RAB40C: variants seen among roughly 807,000 people sequenced by gnomAD.
The protein encoded by RAB40C is ras-related protein Rab-40C.
Under a neutral mutation model 28.1 loss-of-function variants are expected in RAB40C, and 8 were observed. The ratio of observed to expected loss-of-function variants is 0.28; its 90% CI spans 0.17 to 0.51. The LOEUF (loss-of-function observed/expected upper bound fraction) is 0.51. Ranked by LOEUF, RAB40C falls within the 20% of genes least tolerant of loss-of-function variation. The pLI is 0.97. For missense variants in RAB40C, 288 were observed against 405.9 expected (o/e 0.71, Z 2.50); for synonymous variants, 201 against 171.7 (o/e 1.17, Z -1.34).
chr16:618,095 G>A (rs990161281), intron 2 of RAB40C, 105 bp from the exon 3 acceptor site: 11 of 1,089,368 alleles, frequency 1.0e-5, no homozygotes, highest in East Asian at 2.5e-5. Context: ...TGTCCTGGCC[G>A]CCCCGCTCCC....
chr16:610,513 G>A lies in RAB40C; in HGVS notation c.143-6695G>A, dbSNP rs1365916445. The stretch of plus-strand genomic sequence containing the variant: ...GGCGCCCTTGCCTTTTCACTGAGCC[G>A]GGTATTAGCTTAGCTTATTTTTGAA... On this transcript the variant is annotated intron_variant, in intron 1 of 5. Transcript: ENST00000248139. The surrounding 1 kb of genome is among the most constrained non-coding windows in gnomAD (Gnocchi z 4.6). 1.3e-5 allele frequency among the ~76,000 whole-genome samples: 2 copies of A among 152,130 alleles called. No homozygotes were observed. The highest frequency in any genetic ancestry group is 2.9e-5 in the Non-Finnish European group (2 of 68,004).
Position 627,800 on chromosome 16 carries a change from C to G in RAB40C, c.*178C>G. The G allele has an allele frequency of 1.4e-6, 1 of 738,954 alleles. No individual in the cohort carries two copies. The highest frequency in any genetic ancestry group is 2.0e-6 in the Non-Finnish European group (1 of 508,738). The allele number at this position is 738,954 out of a possible 1,614,324, so 45.8% of individuals were successfully genotyped here. A position where few individuals can be genotyped will look rare whatever the true frequency, so the allele number is the denominator to read the frequency against. On this transcript the variant is annotated 3_prime_UTR_variant, in exon 6 of 6. Transcript: ENST00000248139. ...AGGAGCATGCACGGACCAAGCGCGG[C>G]AGGCGGGAGGAGGGGGCGCGGCTGG...
Position 628,704 on chromosome 16 carries a change from C to G in RAB40C, c.*1082C>G, listed in dbSNP as rs1456059694. ...GCCACCTCTCTCCTGAAGCCATTGG[C>G]CGCTCCTCCACCCAGTGCTTCTGCC... On this transcript the variant is annotated 3_prime_UTR_variant, in exon 6 of 6. Coordinates refer to ENST00000248139, the MANE Select transcript of RAB40C (RefSeq NM_021168.5). 2 of 153,000 alleles carry G rather than the reference C, an allele frequency of 1.3e-5. No individual in the cohort carries two copies. The highest frequency in any genetic ancestry group is 2.9e-5 in the Non-Finnish European group (2 of 68,428). The allele number at this position is 153,000 out of a possible 1,614,324, so 9.5% of individuals were successfully genotyped here. A position where few individuals can be genotyped will look rare whatever the true frequency, so the allele number is the denominator to read the frequency against.
intron 1 of RAB40C, among the ~76,000 whole-genome samples, chr16:604,646 T>G (rs544075476): frequency 6.6e-6 from 1 of 152,394 alleles, no homozygotes; most frequent in South Asian, 2.1e-4. Flanking sequence ...TGAAGGTGTT[T>G]CTGTTCCCTT....
At chr16:619,635 G>A (rs938447573) in intron 3 of RAB40C, among the ~76,000 whole-genome samples, 3 of 152,160 alleles carry the variant, frequency 2.0e-5, no homozygotes, top group South Asian at 2.1e-4. Context: ...AGCCCCTCCG[G>A]GGCCAGTTCG....
At chr16:624,065 A>C in intron 3 of RAB40C, 4 of 985,392 alleles carry the variant, frequency 4.1e-6, no homozygotes, top group Non-Finnish European at 3.6e-6. Context: ...TGCACGGTAC[A>C]TTTCACTGCC....
At chr16:604,446 A>G (rs967892908) in intron 1 of RAB40C, among the ~76,000 whole-genome samples, 1 of 152,124 alleles carries the variant, frequency 6.6e-6, no homozygotes, top group African/African-American at 2.4e-5. Context: ...TCTCTAGAAT[A>G]TATGTGAGTC....
intron 1 of RAB40C, among the ~76,000 whole-genome samples, chr16:604,199 C>T (rs1442984237): frequency 6.6e-6 from 1 of 151,860 alleles, no homozygotes; most frequent in Non-Finnish European, 1.5e-5. Flanking sequence ...GGACTACAGG[C>T]ATGTACCACC....
At position 627,731 on chromosome 16, in the gene RAB40C, C is replaced by T. The variant is rs113311435; in HGVS notation, c.*109C>T. The T allele has an allele frequency of 8.3e-6, 11 of 1,324,788 alleles. 1 individual carries two copies. In the South Asian group the frequency reaches 1.4e-4, roughly 17 times the overall value. 82.1% of individuals were successfully genotyped at this position (1,324,788 alleles called of 1,614,324 possible). On this transcript the variant is annotated 3_prime_UTR_variant, in exon 6 of 6. Coordinates refer to ENST00000248139, the MANE Select transcript of RAB40C (RefSeq NM_021168.5). ...ACGTGGAGACTGTCCACACAGCTGC[C>T]TCAGAAGCGCCGGGCTTTCCTCACA...
At chr16:624,908 G>A (rs2036795328) in intron 3 of RAB40C, 2 of 1,281,446 alleles carry the variant, frequency 1.6e-6, no homozygotes, top group Non-Finnish European at 2.0e-6. Context: ...TCTAAGGGAT[G>A]TGGCAAAAAG....
intron 1 of RAB40C, among the ~76,000 whole-genome samples, chr16:614,197 A>G (rs984130132): frequency 6.6e-5 from 7 of 105,728 alleles, no homozygotes; most frequent in Non-Finnish European, 1.0e-4. Context: ...CCGCATCCCT[A>G]TGGTGAACTG....
intron 1 of RAB40C, among the ~76,000 whole-genome samples, chr16:600,565 A>T (rs2151063593): frequency 6.6e-6 from 1 of 152,320 alleles, no homozygotes; most frequent in South Asian, 2.1e-4. Context: ...GTTCTGACCA[A>T]CATGGTGAAA....
chr16:607,796 CGAAAA>C (rs951095533), intron 1 of RAB40C, among the ~76,000 whole-genome samples: 14 of 151,934 alleles, frequency 9.2e-5, no homozygotes, highest in Middle Eastern at 3.4e-3. Context: ...GTCTCAAAAA[CGAAAA>C]GAAAAGAAAA....
At position 627,805 on chromosome 16, in the gene RAB40C, G is replaced by A. The variant is rs372552772; in HGVS notation, c.*183G>A. The A allele has an allele frequency of 7.2e-5, 48 of 669,372 alleles. No individual in the cohort carries two copies. Among genetic ancestry groups the A allele is most frequent in the South Asian group, 2.2e-4 (6 of 27,622 alleles). 41.5% of individuals were successfully genotyped at this position (669,372 alleles called of 1,614,324 possible). ...CATGCACGGACCAAGCGCGGCAGGC[G>A]GGAGGAGGGGGCGCGGCTGGGCTGC... On this transcript the variant is annotated 3_prime_UTR_variant, in exon 6 of 6. Coordinates refer to ENST00000248139, the MANE Select transcript of RAB40C (RefSeq NM_021168.5).
upstream of RAB40C, chr16:589,879 G>C (rs1176303119): frequency 6.6e-6 from 1 of 152,262 alleles, no homozygotes; most frequent in East Asian, 1.9e-4. Flanking sequence ...AAGGAGGGCG[G>C]CGGGCGACCT....
At chr16:609,852 G>A (rs7203005) in intron 1 of RAB40C, among the ~76,000 whole-genome samples, 8,275 of 152,226 alleles carry the variant, frequency 0.054, 737 homozygotes, top group African/African-American at 0.18. Flanking sequence ...AGGATGGAGG[G>A]CGGGAGCTGT....
At chr16:621,429 G>C (rs1339786221) in intron 3 of RAB40C, among the ~76,000 whole-genome samples, 2 of 152,238 alleles carry the variant, frequency 1.3e-5, no homozygotes, top group African/African-American at 4.8e-5. Context: ...GAGTGGAGAG[G>C]CCTGGAAGGT....
In RAB40C at chr16:602,639, G is replaced by C. The variant is rs376035313; in HGVS notation, c.142+12206G>C. ...GTAGAGATGAGGTTTCACCATGTCG[G>C]CCAGGCTGGTCTCGAGTTCCTGACC... On this transcript the variant is annotated intron_variant, in intron 1 of 5. Coordinates refer to ENST00000248139, the MANE Select transcript of RAB40C (RefSeq NM_021168.5). 9.0e-4 allele frequency among the ~76,000 whole-genome samples: 137 copies of C among 152,136 alleles called. 1 individual carries two copies. The highest frequency in any genetic ancestry group is 3.1e-3 in the African/African-American group (129 of 41,480).
At chr16:624,790 G>A in intron 3 of RAB40C, 1 of 985,474 alleles carries the variant, frequency 1.0e-6, no homozygotes, top group South Asian at 4.7e-5. Flanking sequence ...ACAGGGCTCT[G>A]AGTGTGAGCA....
Sources: allele counts gnomAD v4.1 joint callset (sites outside exome capture counted in the v4.1 genomes callset), GRCh38; gene constraint gnomAD v4.1.1; non-coding constraint Gnocchi (gnomAD v3.1); transcripts MANE v1.5; gene names NCBI Gene and HGNC (gene_info 2026-07-23, HGNC 2026-07-21).